The following DLG5 variants were observed in gnomAD, a reference collection of about 807,000 sequenced individuals.
The protein encoded by DLG5 is discs large MAGUK scaffold protein 5.
Under a neutral mutation model 189.8 loss-of-function variants are expected in DLG5, and 48 were observed. The ratio of observed to expected loss-of-function variants is 0.25; its 90% CI spans 0.20 to 0.32. DLG5 has a LOEUF of 0.32. Ranked by LOEUF, DLG5 falls within the 10% of genes least tolerant of loss-of-function variation. DLG5 has a pLI of 1.00. For synonymous variants in DLG5, 1,016 were observed against 1,054.1 expected (o/e 0.96, Z 0.70); for missense variants, 2,160 against 2,544.7 (o/e 0.85, Z 3.25).
intron 5 of DLG5, among the ~76,000 whole-genome samples, chr10:77,851,539 C>T (rs904951391): frequency 6.6e-6 from 1 of 152,212 alleles, no homozygotes; most frequent in African/African-American, 2.4e-5. Flanking sequence ...ATTACCAAGG[C>T]TCAGTCAAGA....
intron 1 of DLG5, among the ~76,000 whole-genome samples, chr10:77,876,774 G>T (rs1845112087): frequency 6.8e-6 from 1 of 147,964 alleles, no homozygotes; most frequent in South Asian, 2.2e-4. Flanking sequence ...AGGGGAAGGG[G>T]CATTGCCCAG....
intron 1 of DLG5, among the ~76,000 whole-genome samples, chr10:77,892,851 G>A (rs1845650861): frequency 1.3e-5 from 2 of 152,224 alleles, no homozygotes; most frequent in Admixed American, 1.3e-4. Context: ...AAGGATTGCT[G>A]AATAAATGAA....
rs147476626 is a variant in DLG5, at chr10:77,811,195, C to A, written c.4362G>T (p.Gln1454His). 1.9e-6 allele frequency: 3 copies of A among 1,613,282 alleles called. No individual in the cohort carries two copies. In the African/African-American group the frequency reaches 4.0e-5, roughly 22 times the overall value. Residue 1454 changes from glutamine (Q) to histidine (H), a missense_variant, in exon 23 of 32, where the codon CAG becomes CAT. Transcript: ENST00000372391. ...LDPAGTHSTL[Q>H]GSGTTTPEHP... The stretch of plus-strand genomic sequence containing the variant: ...GCTCCGGGGTGGTGGTGCCACTGCC[C>A]TGGAGAGTGGAGTGGGTACCGGCAG...
At chr10:77,851,984 C>T (rs943618509) in intron 5 of DLG5, among the ~76,000 whole-genome samples, 7 of 152,072 alleles carry the variant, frequency 4.6e-5, no homozygotes, top group Non-Finnish European at 7.4e-5. Context: ...GAAGAGCCCA[C>T]AAAGGGTCAG....
At chr10:77,939,112 A>G in the DLG5 span, among the ~76,000 whole-genome samples, 3 of 152,198 alleles carry the variant, frequency 2.0e-5, no homozygotes, top group African/African-American at 7.2e-5. Context: ...CCCGGGAGGC[A>G]GAGGTTGCAG....
At chr10:77,867,073 T>C (rs931148510) in intron 2 of DLG5, 15 of 456,994 alleles carry the variant, frequency 3.3e-5, no homozygotes, top group Middle Eastern at 3.3e-4. Flanking sequence ...AGAGATACTG[T>C]TGACGGCTCC....
chr10:77,936,203 G>T, the DLG5 span, among the ~76,000 whole-genome samples: 217 of 152,256 alleles, frequency 1.4e-3, 1 homozygote, highest in African/African-American at 5.1e-3. Flanking sequence ...ACTTTGGGAG[G>T]CCAAGGCAGG....
Position 77,926,208 on chromosome 10 carries a change from G to A in DLG5, c.304+9C>T, listed in dbSNP as rs1846686453. 6.8e-7 allele frequency: 1 copy of A among 1,480,776 alleles called. No homozygotes were observed. Among genetic ancestry groups the A allele is most frequent in the Admixed American group, 2.1e-5 (1 of 48,148 alleles). The allele number at this position is 1,480,776 out of a possible 1,614,324, so 91.7% of individuals were successfully genotyped here. ...TCCCAGAGGCGGGGGCCAAGGGTCT[G>A]CCACTCACCCGCGCCTTCGGCGGGC... On this transcript the variant is annotated intron_variant, in intron 1 of 31. Coordinates refer to ENST00000372391, the MANE Select transcript of DLG5 (RefSeq NM_004747.4). The surrounding 1 kb of genome is among the most constrained non-coding windows in gnomAD (Gnocchi z 5.2).
At chr10:77,865,485 TA>T (rs1353072028) in intron 2 of DLG5, among the ~76,000 whole-genome samples, 12 of 152,160 alleles carry the variant, frequency 7.9e-5, no homozygotes, top group African/African-American at 2.9e-4. Flanking sequence ...CTCCATTTAA[TA>T]AGAAATCTTC....
chr10:77,909,230 T>C (rs1846148369), intron 1 of DLG5, among the ~76,000 whole-genome samples: 1 of 152,096 alleles, frequency 6.6e-6, no homozygotes. Context: ...TGAGTTCTCA[T>C]GAGAAGCCTG....
intron 1 of DLG5, among the ~76,000 whole-genome samples, chr10:77,871,187 C>T (rs537873916): frequency 3.5e-4 from 54 of 152,220 alleles, no homozygotes; most frequent in African/African-American, 1.2e-3. Flanking sequence ...TTCTTGATGG[C>T]CTCCAGCAGC....
intron 9 of DLG5, 116 bp downstream of exon 9, chr10:77,833,798 C>T (rs534142547): frequency 3.2e-4 from 469 of 1,451,136 alleles, no homozygotes; most frequent in Non-Finnish European, 4.1e-4. Flanking sequence ...ACAGCCAGCT[C>T]GACGCAGAAG....
At chr10:77,887,667 C>T (rs978212723) in intron 1 of DLG5, among the ~76,000 whole-genome samples, 5 of 152,138 alleles carry the variant, frequency 3.3e-5, no homozygotes, top group Non-Finnish European at 7.4e-5. Context: ...TACAAGCTGC[C>T]CTTGCCAATG....
At chr10:77,869,439 T>TG (rs1249048625) in intron 1 of DLG5, 4 of 493,526 alleles carry the variant, frequency 8.1e-6, no homozygotes, top group Non-Finnish European at 1.4e-5. Context: ...GAGGGGAACT[T>TG]GGAGTCAGTC....
At chr10:77,807,669 A>T (rs1841544945) in intron 25 of DLG5, 127 bp downstream of exon 25, 1 of 1,137,498 alleles carries the variant, frequency 8.8e-7, no homozygotes, top group East Asian at 2.4e-5. Context: ...TTGAGTGTCA[A>T]GGAATGATGA....
chr10:77,796,649 G>A lies in DLG5; in HGVS notation c.5165-55C>T. On this transcript the variant is annotated intron_variant, in intron 27 of 31. Transcript: ENST00000372391. The surrounding 1 kb of genome is among the most constrained non-coding windows in gnomAD (Gnocchi z 5.2). ...ACCCAGCTTGGAGTGGAGGACCTGA[G>A]TGGGGCTGGGGAACCCCGCTCCCTG... 1 of 1,606,690 alleles carries A rather than the reference G, an allele frequency of 6.2e-7. No individual in the cohort carries two copies. Among genetic ancestry groups the A allele is most frequent in the Non-Finnish European group, 8.5e-7 (1 of 1,174,860 alleles).
At chr10:77,924,778 C>T (rs566264230) in intron 1 of DLG5, among the ~76,000 whole-genome samples, 4 of 152,228 alleles carry the variant, frequency 2.6e-5, no homozygotes, top group African/African-American at 4.8e-5. Context: ...AAGTCAGAAG[C>T]TCAAAGTGGA....
At chr10:77,795,034 C>T in intron 29 of DLG5, 76 bp from the exon 30 acceptor site, 1 of 1,148,596 alleles carries the variant, frequency 8.7e-7, no homozygotes. Context: ...ACCAGCAGGA[C>T]CCACCTCACC....
chr10:77,792,805 T>C, intron 31 of DLG5: 1 of 443,364 alleles, frequency 2.3e-6, no homozygotes. Flanking sequence ...GTTGGGGGAA[T>C]CCCAGGGCAT....
Sources: allele counts gnomAD v4.1 joint callset (sites outside exome capture counted in the v4.1 genomes callset), GRCh38; gene constraint gnomAD v4.1.1; non-coding constraint Gnocchi (gnomAD v3.1); transcripts MANE v1.5; gene names NCBI Gene and HGNC (gene_info 2026-07-23, HGNC 2026-07-21).